Variants in NAV3 observed in about 807,000 individuals in gnomAD.
NAV3 encodes pore membrane and/or filament interacting like protein 1.
A neutral mutation model predicts 244.7 loss-of-function variants in NAV3; 87 were observed. That is an observed-to-expected ratio of 0.36 (90% CI 0.30 to 0.42). The LOEUF is 0.42. NAV3 is among the 20% of genes least tolerant of loss of function. NAV3 has a pLI of 1.00. For missense variants in NAV3, 2,663 were observed against 2,893.3 expected (o/e 0.92, Z 1.83); for synonymous variants, 1,126 against 1,042.2 (o/e 1.08, Z -1.55).
At chr12:77,604,820 T>G (rs1870598495) in intron 2 of NAV3, among the ~76,000 whole-genome samples, 1 of 152,134 alleles carries the variant, frequency 6.6e-6, no homozygotes, top group Non-Finnish European at 1.5e-5. Context: ...TTAGGTAGCT[T>G]AAGATTTAAT....
chr12:78,134,306 T>A (rs1345840287), intron 18 of NAV3, among the ~76,000 whole-genome samples: 2 of 152,134 alleles, frequency 1.3e-5, no homozygotes, highest in Non-Finnish European at 2.9e-5. Context: ...CAACCCTTCA[T>A]CTCTTATGTA....
Position 78,207,783 on chromosome 12 carries a change from G to A in NAV3, c.7039-2615G>A, listed in dbSNP as rs370519895. On this transcript the variant is annotated intron_variant, in intron 39 of 39. Coordinates refer to ENST00000397909, the MANE Select transcript of NAV3 (RefSeq NM_001024383.2). ...GTTTATCATTGCAGGAAGTTAAAAC[G>A]TTATCACAGAGACAGTGGAGAACTG... Among the ~76,000 whole-genome samples the A allele has an allele frequency of 7.9e-5, 12 of 152,094 alleles. No homozygotes were observed. In the South Asian group the frequency reaches 1.0e-3, roughly 13 times the overall value.
intron 1 of NAV3, among the ~76,000 whole-genome samples, chr12:77,892,816 A>C (rs1274111986): frequency 6.6e-6 from 1 of 152,210 alleles, no homozygotes. Flanking sequence ...TCAAAATTAT[A>C]ATGATGAGGA....
At chr12:77,882,371 T>G (rs1882761567) in intron 1 of NAV3, among the ~76,000 whole-genome samples, 1 of 152,184 alleles carries the variant, frequency 6.6e-6, no homozygotes. Flanking sequence ...GGTAACTGGC[T>G]AGCCATATGC....
At chr12:77,986,576 T>G (rs2136312276) in intron 5 of NAV3, among the ~76,000 whole-genome samples, 1 of 152,166 alleles carries the variant, frequency 6.6e-6, no homozygotes, top group Admixed American at 6.5e-5. Flanking sequence ...TGTATGTGTA[T>G]TATGTTGAAG....
intron 1 of NAV3, among the ~76,000 whole-genome samples, chr12:77,908,634 C>T (rs1886255933): frequency 6.6e-6 from 1 of 151,898 alleles, no homozygotes; most frequent in African/African-American, 2.4e-5. Flanking sequence ...AAATATTACT[C>T]ATCTAAAAAG....
chr12:78,098,374 C>T (rs534785242), intron 12 of NAV3, among the ~76,000 whole-genome samples: 4 of 151,962 alleles, frequency 2.6e-5, no homozygotes, highest in African/African-American at 9.6e-5. Context: ...CATGATATTA[C>T]TATAAAACAT....
At chr12:77,867,741 G>A (rs573011209) in intron 1 of NAV3, among the ~76,000 whole-genome samples, 37 of 152,114 alleles carry the variant, frequency 2.4e-4, no homozygotes, top group African/African-American at 1.4e-4. Flanking sequence ...TTTATCAGCA[G>A]CATGAGAACA....
intron 9 of NAV3, chr12:78,036,871 G>A (rs1253026583): frequency 3.9e-5 from 27 of 691,134 alleles, no homozygotes; most frequent in South Asian, 8.9e-5. Flanking sequence ...ATCATGCAGC[G>A]GCCTGCTGAA....
At chr12:78,099,919 G>T (rs1182642116) in intron 12 of NAV3, among the ~76,000 whole-genome samples, 2 of 151,766 alleles carry the variant, frequency 1.3e-5, no homozygotes, top group East Asian at 1.9e-4. Flanking sequence ...TCTACCTAGG[G>T]CTTCCTTGTA....
chr12:77,752,813 T>G (rs1868928638), intron 2 of NAV3, among the ~76,000 whole-genome samples: 1 of 152,146 alleles, frequency 6.6e-6, no homozygotes, highest in South Asian at 2.1e-4. Context: ...TCTCTCAAAA[T>G]TGAATGCACA....
intron 12 of NAV3, among the ~76,000 whole-genome samples, chr12:78,070,887 A>AT (rs1182413198): frequency 1.4e-5 from 2 of 147,668 alleles, no homozygotes; most frequent in East Asian, 4.0e-4. Flanking sequence ...TGAACTCATC[A>AT]TTTTTTATGG....
At chr12:78,092,772 T>C (rs984655136) in intron 12 of NAV3, among the ~76,000 whole-genome samples, 4 of 152,132 alleles carry the variant, frequency 2.6e-5, no homozygotes, top group South Asian at 4.1e-4. Context: ...AGTGCTGGGA[T>C]TACAGGCGTG....
At position 78,114,325 on chromosome 12, in the gene NAV3, G is replaced by T. The variant is rs1955258740; in HGVS notation, c.2637-2447G>T. On this transcript the variant is annotated intron_variant, in intron 12 of 39. Coordinates refer to ENST00000397909, the MANE Select transcript of NAV3 (RefSeq NM_001024383.2). ...CACATTTCTGGGTATCTTTACAGCAGTGCCCCACTCCTGGTACCAATTTAC... is the reference window on the plus strand; with the variant it reads ...CACATTTCTGGGTATCTTTACAGCATTGCCCCACTCCTGGTACCAATTTAC... Among the ~76,000 whole-genome samples, 3 of 152,224 alleles carry T rather than the reference G, an allele frequency of 2.0e-5. No individual in the cohort carries two copies. The South Asian group carries it at 6.2e-4, about 32-fold the overall frequency.
chr12:77,744,540 GT>G (rs1437111255), intron 2 of NAV3, among the ~76,000 whole-genome samples: 1 of 151,886 alleles, frequency 6.6e-6, no homozygotes, highest in Non-Finnish European at 1.5e-5. Context: ...TGTAGTTCTA[GT>G]TTTTCAAGGC....
chr12:77,801,517 T>C (rs1871702951), intron 2 of NAV3, among the ~76,000 whole-genome samples: 1 of 152,124 alleles, frequency 6.6e-6, no homozygotes, highest in African/African-American at 2.4e-5. Context: ...AGTATGTTAT[T>C]ACAGTACAAA....
At position 77,981,922 on chromosome 12, in the gene NAV3, C is replaced by A. The variant is rs554599532; in HGVS notation, c.672-12881C>A. 1.2e-4 allele frequency among the ~76,000 whole-genome samples: 18 copies of A among 152,110 alleles called. No individual in the cohort carries two copies. In the South Asian group the frequency reaches 3.7e-3, roughly 32 times the overall value. On this transcript the variant is annotated intron_variant, in intron 5 of 39. Transcript: ENST00000397909. The stretch of plus-strand genomic sequence containing the variant: ...TACGGATTCTGAATAGGGATTTCTT[C>A]TCTTGTGATATGTTTATGTGACTCC...
intron 1 of NAV3, among the ~76,000 whole-genome samples, chr12:77,848,565 A>G (rs957433764): frequency 2.6e-5 from 4 of 152,224 alleles, no homozygotes; most frequent in African/African-American, 9.6e-5. Context: ...CAAATAAATC[A>G]AAACCTTTTC....
chr12:77,724,510 T>C (rs1382263799), intron 2 of NAV3, among the ~76,000 whole-genome samples: 1 of 151,952 alleles, frequency 6.6e-6, no homozygotes, highest in Non-Finnish European at 1.5e-5. Context: ...ATATTTGCGA[T>C]ATCCTTCCTT....
Sources: allele counts gnomAD v4.1 joint callset (sites outside exome capture counted in the v4.1 genomes callset), GRCh38; gene constraint gnomAD v4.1.1; transcripts MANE v1.5; gene names NCBI Gene and HGNC (gene_info 2026-07-23, HGNC 2026-07-21).